Variants in ABHD4 observed in about 807,000 individuals in gnomAD.
ABHD4 encodes abhydrolase domain containing 4, N-acyl phospholipase B.
A neutral mutation model predicts 42.3 loss-of-function variants in ABHD4; 35 were observed. The ratio of observed to expected loss-of-function variants is 0.83; its 90% CI spans 0.63 to 1.10. The LOEUF is 1.10. ABHD4 is among the 50% of genes least tolerant of loss of function. The pLI, the probability that ABHD4 is intolerant of heterozygous loss-of-function variation, is 0.00. For missense variants in ABHD4, 389 were observed against 454.8 expected, an observed-to-expected ratio of 0.86 and a Z score of 1.32; for synonymous variants, 169 against 170.6, an observed-to-expected ratio of 0.99 and a Z score of 0.07.
At chr14:22,606,783 A>G (rs565261647) in intron 5 of ABHD4, among the ~76,000 whole-genome samples, 2 of 152,338 alleles carry the variant, frequency 1.3e-5, no homozygotes, top group African/African-American at 4.8e-5. Flanking sequence ...CCCTACAGGT[A>G]TGCAATTGGC....
At position 22,603,992 on chromosome 14, in the gene ABHD4, C is replaced by G; in HGVS notation, c.553C>G (p.Arg185Gly). The G allele has an allele frequency of 6.2e-7, 1 of 1,614,188 alleles. No individual in the cohort carries two copies. The highest frequency in any genetic ancestry group is 1.1e-5 in the South Asian group (1 of 91,082). Residue 185 changes from arginine to glycine, a missense_variant, in exon 4 of 7, where the codon CGT (arginine) becomes GGT (glycine). By Grantham distance (125) the Arg-to-Gly change is moderately radical (BLOSUM62 -2). Transcript: ENST00000428304. Reference protein sequence around the residue: ...PLRPTNPSEIRAPPAWVKAVA... With the variant: ...PLRPTNPSEIGAPPAWVKAVA... Reference sequence around the variant, plus strand: ...CCGACCAACTAACCCCAGTGAGATCCGTGCACCCCCAGCCTGGGTCAAAGC... The same window carrying G: ...CCGACCAACTAACCCCAGTGAGATCGGTGCACCCCCAGCCTGGGTCAAAGC...
In ABHD4 at chr14:22,609,886, G is replaced by A. The variant is rs976835271; in HGVS notation, c.915G>A (p.Arg305=). 1.9e-6 allele frequency: 3 copies of A among 1,613,940 alleles called. No homozygotes were observed. The highest frequency in any genetic ancestry group is 1.3e-5 in the African/African-American group (1 of 74,886). The stretch of plus-strand genomic sequence containing the variant: ...CGGGAAAAAAGGTGAAGATGCAGCG[G>A]CCGGATTCCTATGTCCGAGACATGG... ...TSTGKKVKMQ[R]PDSYVRDMEI... is the part of the protein sequence containing the mutation. Residue 305 remains arginine (R), a synonymous_variant, in exon 6 of 7, where the codon CGG becomes CGA. Coordinates refer to ENST00000428304, the MANE Select transcript of ABHD4 (RefSeq NM_022060.3).
chr14:22,604,811 T>C (rs1409671618), intron 4 of ABHD4, among the ~76,000 whole-genome samples: 1 of 151,940 alleles, frequency 6.6e-6, no homozygotes, highest in Non-Finnish European at 1.5e-5. Flanking sequence ...GGTTTCACCA[T>C]GTTGGCTAGG....
Position 22,603,756 on chromosome 14 carries a change from C to G in ABHD4, c.479C>G (p.Pro160Arg). The change falls in exon 3 of 7, where the codon CCT becomes CGT. Residue 160 changes from proline to arginine, a missense_variant. Physicochemically the swap from Pro to Arg is moderately radical, Grantham distance 103. This residue lies in a region of ABHD4 where 249 missense variants were observed against 254.4 expected (regional missense o/e 0.98). Coordinates refer to ENST00000428304, the MANE Select transcript of ABHD4 (RefSeq NM_022060.3). Reference sequence around the variant, plus strand: ...GCCACTTCTTACTCAATCAAGTACCCTGATAGGTAATAAGGAGATGGCTCC... The same window carrying G: ...GCCACTTCTTACTCAATCAAGTACCGTGATAGGTAATAAGGAGATGGCTCC... Reference protein sequence around the residue: ...FLATSYSIKYPDRVKHLILVD... With the variant: ...FLATSYSIKYRDRVKHLILVD... 1.3e-6 allele frequency: 2 copies of G among 1,576,994 alleles called. No individual in the cohort carries two copies. The highest frequency in any genetic ancestry group is 1.7e-6 in the Non-Finnish European group (2 of 1,160,012).
At chr14:22,604,173 G>A in intron 4 of ABHD4, 94 bp downstream of exon 4, 1 of 1,405,728 alleles carries the variant, frequency 7.1e-7, no homozygotes, top group Non-Finnish European at 9.8e-7. Flanking sequence ...GTGGAAATTG[G>A]CCTAGCCTTG....
At chr14:22,599,337 G>A (rs938234283) in intron 1 of ABHD4, among the ~76,000 whole-genome samples, 6 of 152,258 alleles carry the variant, frequency 3.9e-5, no homozygotes, top group Middle Eastern at 3.4e-3. Context: ...AAATGAAGAA[G>A]CTGGTGTCCA....
intron 5 of ABHD4, 61 bp from the exon 6 acceptor site, chr14:22,609,663 G>C: frequency 6.5e-7 from 1 of 1,545,076 alleles, no homozygotes; most frequent in East Asian, 2.2e-5. Flanking sequence ...CTCAGTCTCT[G>C]AAGAGACCAA....
chr14:22,604,176 T>C, intron 4 of ABHD4, 97 bp downstream of exon 4: 1 of 1,380,762 alleles, frequency 7.2e-7, no homozygotes, highest in Non-Finnish European at 1.0e-6. Flanking sequence ...GAAATTGGCC[T>C]AGCCTTGTTA....
intron 2 of ABHD4, 67 bp downstream of exon 2, chr14:22,601,822 G>C (rs978426729): frequency 2.1e-6 from 3 of 1,423,666 alleles, no homozygotes; most frequent in Admixed American, 3.5e-5. Context: ...GATCTTCCCA[G>C]AGCCTGCTAC....
intron 1 of ABHD4, chr14:22,600,197 A>C (rs2037265923): frequency 2.2e-6 from 1 of 455,866 alleles, no homozygotes; most frequent in Non-Finnish European, 4.4e-6. Flanking sequence ...ATTGCTGGTA[A>C]GTGACAGTGC....
intron 4 of ABHD4, among the ~76,000 whole-genome samples, chr14:22,605,307 T>C (rs541604430): frequency 6.6e-6 from 1 of 152,318 alleles, no homozygotes; most frequent in African/African-American, 2.4e-5. Flanking sequence ...ATGGAAAAGA[T>C]TGGTGATGCC....
In ABHD4 at chr14:22,609,871, G is replaced by C; in HGVS notation, c.900G>C (p.Lys300Asn). The change falls in exon 6 of 7, where the codon AAG becomes AAC. Residue 300 changes from lysine to asparagine, a missense_variant. Around this residue, in one of 3 missense-constraint regions of ABHD4, gnomAD observed 249 missense variants for 254.4 expected, o/e 0.98. Transcript: ENST00000428304. The stretch of plus-strand genomic sequence containing the variant: ...GGATAGATACCAGTACGGGAAAAAA[G>C]GTGAAGATGCAGCGGCCGGATTCCT... ...DTWIDTSTGK[K>N]VKMQRPDSYV... 1 of 1,614,000 alleles carries C rather than the reference G, an allele frequency of 6.2e-7. No individual in the cohort carries two copies. Among genetic ancestry groups the C allele is most frequent in the South Asian group, 1.1e-5 (1 of 91,068 alleles).
intron 4 of ABHD4, chr14:22,605,661 T>C (rs2037341048): frequency 2.3e-6 from 1 of 427,026 alleles, no homozygotes; most frequent in South Asian, 1.8e-5. Context: ...ATCAGAGCTA[T>C]CATAGTTGGG....
At chr14:22,610,721 G>A (rs537530455) in intron 6 of ABHD4, 138 bp from the exon 7 acceptor site, 17 of 658,360 alleles carry the variant, frequency 2.6e-5, no homozygotes, top group East Asian at 2.4e-4. Context: ...AGATCCAAGC[G>A]AGAAAGGTGG....
chr14:22,610,506 C>A (rs1388197199), intron 6 of ABHD4, among the ~76,000 whole-genome samples: 1 of 152,160 alleles, frequency 6.6e-6, no homozygotes, highest in Non-Finnish European at 1.5e-5. Context: ...CCCCACCACA[C>A]CTCCTCCCCT....
chr14:22,601,995 C>T (rs1251589359), intron 2 of ABHD4, among the ~76,000 whole-genome samples: 2 of 152,202 alleles, frequency 1.3e-5, no homozygotes, highest in African/African-American at 4.8e-5. Context: ...CCTGCAACTT[C>T]ACCTCAAACC....
intron 6 of ABHD4, among the ~76,000 whole-genome samples, chr14:22,610,214 C>T (rs1242931): frequency 0.33 from 49,589 of 152,006 alleles, 8,217 homozygotes; most frequent in Admixed American, 0.36. Context: ...TGCGCCACCA[C>T]GCCCAGCTAA....
At chr14:22,604,472 G>A (rs755184756) in intron 4 of ABHD4, among the ~76,000 whole-genome samples, 4 of 152,160 alleles carry the variant, frequency 2.6e-5, no homozygotes, top group Non-Finnish European at 4.4e-5. Context: ...GGCTGGTCTC[G>A]ATCTGACCTC....
chr14:22,605,764 T>A lies in ABHD4; in HGVS notation c.641-658T>A. On this transcript the variant is annotated intron_variant, in intron 4 of 6. Coordinates refer to ENST00000428304, the MANE Select transcript of ABHD4 (RefSeq NM_022060.3). ...ACCCCCAACCCAGCCCCTTCTTACC[T>A]CCCTCTTGCTTCTCATAAACAGAGA... 3.1e-6 allele frequency: 4 copies of A among 1,270,944 alleles called. No individual in the cohort carries two copies. The South Asian group carries it at 5.0e-5, about 16-fold the overall frequency. The allele number at this position is 1,270,944 out of a possible 1,614,324, so 78.7% of individuals were successfully genotyped here.
Sources: allele counts gnomAD v4.1 joint callset (sites outside exome capture counted in the v4.1 genomes callset), GRCh38; gene constraint gnomAD v4.1.1; regional missense constraint gnomAD v4.1.1; transcripts MANE v1.5; gene names NCBI Gene and HGNC (gene_info 2026-07-23, HGNC 2026-07-21).